Variants in PSMD4 observed in about 807,000 individuals in gnomAD.
PSMD4 encodes the protein proteasome 26S subunit ubiquitin receptor, non-ATPase 4, also known as 26S proteasome non-ATPase regulatory subunit 4.
Under a neutral mutation model 39.7 loss-of-function variants are expected in PSMD4, and 5 were observed. The observed-to-expected ratio is 0.13, with a 90% CI of 0.07 to 0.26. The LOEUF (loss-of-function observed/expected upper bound fraction) is 0.26. Ranked by LOEUF, PSMD4 falls within the 10% of genes least tolerant of loss-of-function variation. The probability of loss-of-function intolerance (pLI) is 1.00; values close to 1 mark genes in which losing one functional copy is unlikely to be tolerated. For missense variants in PSMD4, 272 were observed against 486.1 expected (o/e 0.56, Z 4.14); for synonymous variants, 143 against 174.6 (o/e 0.82, Z 1.43).
chr1:151,260,736 C>T (rs1693296792), intron 1 of PSMD4, among the ~76,000 whole-genome samples: 1 of 152,008 alleles, frequency 6.6e-6, no homozygotes, highest in South Asian at 2.1e-4. Flanking sequence ...AGGGTTTCAC[C>T]ATGTTTGCCA....
At chr1:151,255,541 T>G (rs587634759) in intron 1 of PSMD4, among the ~76,000 whole-genome samples, 104 of 152,258 alleles carry the variant, frequency 6.8e-4, no homozygotes, top group Non-Finnish European at 1.3e-3. Flanking sequence ...ACATAAATTT[T>G]TGCAGGGTTT....
At chr1:151,259,443 G>A (rs1244704911) in intron 1 of PSMD4, among the ~76,000 whole-genome samples, 1 of 152,146 alleles carries the variant, frequency 6.6e-6, no homozygotes, top group African/African-American at 2.4e-5. Context: ...TTCTGATTAA[G>A]TGTACTTAAC....
intron 1 of PSMD4, 143 bp downstream of exon 1, chr1:151,254,951 C>T (rs1406947326): frequency 5.7e-6 from 6 of 1,058,970 alleles, no homozygotes; most frequent in African/African-American, 1.7e-5. Context: ...CCGCTGGACT[C>T]CCTGAGTCAT....
intron 4 of PSMD4, 107 bp downstream of exon 4, chr1:151,265,025 A>G (rs1693397241): frequency 7.5e-7 from 1 of 1,332,458 alleles, no homozygotes; most frequent in Non-Finnish European, 1.1e-6. Context: ...CACTTTGGGG[A>G]AAGGTGAATG....
rs942761541 is a variant in PSMD4 at position 151,266,201 on chromosome 1, C to G, written c.763+89C>G. The stretch of plus-strand genomic sequence containing the variant: ...GGCACTGCAGGGAGAGTGTGGAGGT[C>G]TGACAGGGTAGGAATATGTGGGAGG... On this transcript the variant is annotated intron_variant, in intron 7 of 9. Transcript: ENST00000368884. 5.0e-6 allele frequency: 8 copies of G among 1,592,592 alleles called. No homozygotes were observed. In the African/African-American group the frequency reaches 1.1e-4, roughly 21 times the overall value.
At chr1:151,260,948 C>T (rs1693302731) in intron 1 of PSMD4, among the ~76,000 whole-genome samples, 1 of 150,928 alleles carries the variant, frequency 6.6e-6, no homozygotes, top group East Asian at 2.0e-4. Flanking sequence ...CGGGTTCAAG[C>T]AATTCTCCTG....
intron 3 of PSMD4, 124 bp from the exon 4 acceptor site, chr1:151,264,708 A>C (rs1693389481): frequency 1.4e-6 from 1 of 721,734 alleles, no homozygotes; most frequent in East Asian, 2.8e-5. Flanking sequence ...ATCTTGTGTG[A>C]ACGTGATGGT....
At chr1:151,263,881 T>C in intron 2 of PSMD4, 33 bp from the exon 3 acceptor site, 1 of 1,431,904 alleles carries the variant, frequency 7.0e-7, no homozygotes, top group South Asian at 1.2e-5. Flanking sequence ...TGTGCTGACC[T>C]GAATTCACTG....
rs1250511596 is a variant in PSMD4, at chr1:151,257,730, T to TTGTA, written c.26+2923_26+2924insGTAT. On this transcript the variant is annotated intron_variant, in intron 1 of 9. Transcript: ENST00000368884. ...ACCTGGCTTTCTTTTTTTTTTTTTT[T>TTGTA]TTTTTTTGTATTTTTAGTAAAGATG... Among the ~76,000 whole-genome samples the TTGTA allele has an allele frequency of 7.0e-4, 103 of 146,350 alleles. 1 individual carries two copies. In the South Asian group the frequency reaches 0.022, roughly 31 times the overall value.
At chr1:151,254,892 G>A in intron 1 of PSMD4, 84 bp downstream of exon 1, 2 of 1,292,468 alleles carry the variant, frequency 1.5e-6, no homozygotes, top group Middle Eastern at 2.6e-4. Context: ...TGGGGTGGGG[G>A]CCAGGGGCTC....
Position 151,264,836 on chromosome 1 carries a change from C to T in PSMD4, c.287C>T (p.Ala96Val). The change falls in exon 4 of 10, where the codon GCT becomes GTT. Residue 96 changes from alanine (A) to valine (V), a missense_variant. By Grantham distance (64) the Ala-to-Val change is moderately conservative (BLOSUM62 0). Transcript: ENST00000368884. ...FCTGIRVAHL[A>V]LKHRQGKNHK... ...AACTTCCTCTCCCTTTACAAGCTGG[C>T]TCTGAAGCACCGACAAGGCAAGAAT... 6.2e-7 allele frequency: 1 copy of T among 1,612,366 alleles called. No individual in the cohort carries two copies. The highest frequency in any genetic ancestry group is 8.5e-7 in the Non-Finnish European group (1 of 1,178,664).
At chr1:151,263,617 A>T (rs1693359741) in intron 2 of PSMD4, among the ~76,000 whole-genome samples, 1 of 151,994 alleles carries the variant, frequency 6.6e-6, no homozygotes, top group South Asian at 2.1e-4. Context: ...TTACGAGGTC[A>T]GGAGATCGAG....
intron 2 of PSMD4, chr1:151,262,753 T>A (rs1357862717): frequency 6.0e-6 from 1 of 167,122 alleles, no homozygotes; most frequent in Non-Finnish European, 1.3e-5. Context: ...GAGAATCGCT[T>A]GAACTCGGGA....
chr1:151,266,358 C>T lies in PSMD4; in HGVS notation c.814C>T (p.Arg272Cys), dbSNP rs181572831. Residue 272 changes from arginine to cysteine, a missense_variant, in exon 8 of 10, where the codon CGC becomes TGC. Coordinates refer to ENST00000368884, the MANE Select transcript of PSMD4 (RefSeq NM_002810.4). ...KMTISQQEFG[R>C]TGLPDLSSMT... ...GACCATCAGCCAGCAAGAGTTTGGC[C>T]GCACTGGGCTTCCTGACCTAAGCAG... is the stretch of plus-strand genomic sequence containing the variant. The T allele has an allele frequency of 3.6e-5, 58 of 1,614,144 alleles. 1 individual carries two copies. The highest frequency in any genetic ancestry group is 3.3e-4 in the Middle Eastern group (2 of 6,056).
At chr1:151,265,733 A>C (rs1571072430) in intron 6 of PSMD4, 124 bp downstream of exon 6, 1 of 1,135,728 alleles carries the variant, frequency 8.8e-7, no homozygotes, top group Admixed American at 2.4e-5. Flanking sequence ...ATTTTCCAAG[A>C]CCTCCTTTTG....
chr1:151,266,245 T>C, intron 7 of PSMD4, 63 bp from the exon 8 acceptor site: 1 of 1,610,018 alleles, frequency 6.2e-7, no homozygotes, highest in Non-Finnish European at 8.5e-7. Flanking sequence ...AGGAATGGCC[T>C]TGGAGGCTGG....
At chr1:151,255,514 C>T (rs1484728830) in intron 1 of PSMD4, among the ~76,000 whole-genome samples, 3 of 152,150 alleles carry the variant, frequency 2.0e-5, no homozygotes, top group Non-Finnish European at 2.9e-5. Flanking sequence ...TATTACGAGT[C>T]ACATTAGAAG....
intron 1 of PSMD4, 64 bp downstream of exon 1, chr1:151,254,872 A>C (rs1421702406): frequency 1.3e-4 from 118 of 885,764 alleles, no homozygotes; most frequent in Non-Finnish European, 1.7e-4. Context: ...GCGCCAAGGC[A>C]GGGAGGGCCT....
In PSMD4 at chr1:151,266,000, C is replaced by T. The variant is rs1291130641; in HGVS notation, c.655-4C>T. ...AGCCCTGATTATGCCCTGCCCTTCA[C>T]CAGGCCCTTCGTGTATCTATGGAAG... On this transcript the variant is annotated splice_region_variant and splice_polypyrimidine_tract_variant and intron_variant, in intron 6 of 9. Coordinates refer to ENST00000368884, the MANE Select transcript of PSMD4 (RefSeq NM_002810.4). 1 of 1,584,012 alleles carries T rather than the reference C, an allele frequency of 6.3e-7. No individual in the cohort carries two copies. The highest frequency in any genetic ancestry group is 1.2e-5 in the South Asian group (1 of 86,762).
Sources: allele counts gnomAD v4.1 joint callset (sites outside exome capture counted in the v4.1 genomes callset), GRCh38; gene constraint gnomAD v4.1.1; transcripts MANE v1.5; gene names NCBI Gene and HGNC (gene_info 2026-07-23, HGNC 2026-07-21).